The following ZNF701 variants were observed in gnomAD, a reference collection of about 807,000 sequenced individuals.
ZNF701 encodes the protein zinc finger protein 701.
ZNF701 carries 6 observed loss-of-function variants against 7.1 expected under a neutral mutation model. The observed-to-expected ratio is 0.84, with a 90% confidence interval of 0.46 to 1.66. The LOEUF (loss-of-function observed/expected upper bound fraction) is 1.66. Ranked by LOEUF, ZNF701 falls within the 40% of genes most tolerant of loss-of-function variation. The pLI, the probability that ZNF701 is intolerant of heterozygous loss-of-function variation, is 0.01. For missense variants in ZNF701, 541 were observed against 559.2 expected, an observed-to-expected ratio of 0.97 and a Z score of 0.33; for synonymous variants, 166 against 188.2, an observed-to-expected ratio of 0.88 and a Z score of 0.97.
intron 3 of ZNF701, among the ~76,000 whole-genome samples, chr19:52,578,664 ATTATT>A (rs1453416250): frequency 6.6e-6 from 1 of 152,196 alleles, no homozygotes; most frequent in Non-Finnish European, 1.5e-5. Context: ...AACTATTGTT[ATTATT>A]TTAAACAGTT....
rs149293171 is a variant in ZNF701, at chr19:52,582,446, G to C, written c.387G>C (p.Arg129Ser). The C allele has an allele frequency of 5.0e-6, 8 of 1,614,036 alleles. No individual in the cohort carries two copies. The highest frequency in any genetic ancestry group is 6.8e-6 in the Non-Finnish European group (8 of 1,180,032). Reference sequence around the variant, plus strand: ...GTAGTACAGAGCGACATGATCAAAGGCATGCTGGAAACAAACCTATTAAAA... The same window carrying C: ...GTAGTACAGAGCGACATGATCAAAGCCATGCTGGAAACAAACCTATTAAAA... Reference protein sequence around the residue: ...LMSSTERHDQRHAGNKPIKNE... With the variant: ...LMSSTERHDQSHAGNKPIKNE... Residue 129 changes from arginine to serine, a missense_variant, in exon 4 of 4, where the codon AGG (arginine) becomes AGC (serine). By Grantham distance (110) the Arg-to-Ser change is moderately radical. Coordinates refer to ENST00000391785, the MANE Select transcript of ZNF701 (RefSeq NM_018260.3).
chr19:52,571,471 T>C (rs886705855), intron 1 of ZNF701, among the ~76,000 whole-genome samples: 9 of 151,938 alleles, frequency 5.9e-5, no homozygotes, highest in African/African-American at 2.2e-4. Flanking sequence ...GATCGAAGAA[T>C]TGGGGAGAAG....
chr19:52,571,526 A>AT (rs1432545657), intron 1 of ZNF701, among the ~76,000 whole-genome samples: 2 of 151,998 alleles, frequency 1.3e-5, no homozygotes, highest in African/African-American at 2.4e-5. Flanking sequence ...AGCCCAGGTA[A>AT]TTTTTGTATT....
At chr19:52,571,460 C>T (rs1227710907) in intron 1 of ZNF701, among the ~76,000 whole-genome samples, 2 of 151,968 alleles carry the variant, frequency 1.3e-5, no homozygotes, top group Non-Finnish European at 1.5e-5. Context: ...AGATTGAGGA[C>T]GATCGAAGAA....
chr19:52,588,915 G>A (rs2060026017), downstream of ZNF701, among the ~76,000 whole-genome samples: 1 of 152,110 alleles, frequency 6.6e-6, no homozygotes, highest in Non-Finnish European at 1.5e-5. Flanking sequence ...GGCTAATTTT[G>A]TATTTTTTGT....
At chr19:52,579,939 G>C (rs2059964407) in intron 3 of ZNF701, among the ~76,000 whole-genome samples, 1 of 141,458 alleles carries the variant, frequency 7.1e-6, no homozygotes, top group Non-Finnish European at 1.5e-5. Context: ...TTCTCCTCTA[G>C]AATTATTATT....
intron 2 of ZNF701, chr19:52,575,612 A>C (rs921313757): frequency 1.1e-5 from 4 of 353,946 alleles, no homozygotes; most frequent in Non-Finnish European, 1.6e-5. Context: ...CCGTCCTCCC[A>C]CCTCAGCCTT....
the ZNF701 span, chr19:52,598,752 T>TA: frequency 2.2e-3 from 334 of 150,296 alleles, 3 homozygotes; most frequent in East Asian, 0.029. Context: ...CTACTAAAAA[T>TA]AAAAAAAAAC....
At chr19:52,588,747 C>T (rs113625580), downstream of ZNF701, 854 of 180,434 alleles carry the variant, frequency 4.7e-3, 10 homozygotes, top group African/African-American at 0.019. Flanking sequence ...TGCCTTTTCT[C>T]AGTCCCTCTC....
chr19:52,592,265 C>T, the ZNF701 span: 1 of 1,542,970 alleles, frequency 6.5e-7, no homozygotes, highest in African/African-American at 1.4e-5. Context: ...AGGAATCTGC[C>T]CTTGTCTATC....
chr19:52,592,055 G>A, downstream of ZNF701: 1 of 710,842 alleles, frequency 1.4e-6, no homozygotes, highest in Non-Finnish European at 2.5e-6. Flanking sequence ...TGAAGGTGAT[G>A]ACTCACTCCT....
chr19:52,594,503 G>GT, the ZNF701 span, among the ~76,000 whole-genome samples: 123 of 130,498 alleles, frequency 9.4e-4, 1 homozygote, highest in East Asian at 1.4e-3. Flanking sequence ...CTTTTGTTCT[G>GT]TTTTTTTTGT....
Position 52,582,369 on chromosome 19 carries a change from A to T in ZNF701, c.310A>T (p.Asn104Tyr), listed in dbSNP as rs780451070. Reference sequence around the variant, plus strand: ...TGACTTTGTGTTTCAGTGGCAAGAAAATGAAACAAATGGCCATGAAGCACT... The same window carrying T: ...TGACTTTGTGTTTCAGTGGCAAGAATATGAAACAAATGGCCATGAAGCACT... Reference protein sequence around the residue: ...IHDFVFQWQENETNGHEALMT... With the variant: ...IHDFVFQWQEYETNGHEALMT... Residue 104 changes from asparagine to tyrosine, a missense_variant, in exon 4 of 4, where the codon AAT becomes TAT. Coordinates refer to ENST00000391785, the MANE Select transcript of ZNF701 (RefSeq NM_018260.3). 6.2e-7 allele frequency: 1 copy of T among 1,613,830 alleles called. No homozygotes were observed. The highest frequency in any genetic ancestry group is 1.1e-5 in the South Asian group (1 of 90,978).
chr19:52,593,268 A>C, the ZNF701 span, among the ~76,000 whole-genome samples: 1 of 118,200 alleles, frequency 8.5e-6, no homozygotes, highest in Non-Finnish European at 1.8e-5. Context: ...CATTGTCATC[A>C]TGGCCCGTTC....
chr19:52,588,918 T>A (rs369035558), downstream of ZNF701, among the ~76,000 whole-genome samples: 3 of 152,284 alleles, frequency 2.0e-5, no homozygotes, highest in South Asian at 6.2e-4. Flanking sequence ...TAATTTTGTA[T>A]TTTTTGTAGA....
At chr19:52,593,740 C>T in the ZNF701 span, among the ~76,000 whole-genome samples, 5,646 of 112,784 alleles carry the variant, frequency 0.05, 1,569 homozygotes, top group African/African-American at 0.081. Flanking sequence ...CGGGCAGAGA[C>T]GCTCCTCACA....
At chr19:52,578,812 C>A (rs867502550) in intron 3 of ZNF701, among the ~76,000 whole-genome samples, 2 of 152,284 alleles carry the variant, frequency 1.3e-5, no homozygotes, top group East Asian at 3.9e-4. Context: ...GGCTGGAGTG[C>A]AGTGGTGCGA....
rs972500342 is a variant in ZNF701 at position 52,582,665 on chromosome 19, C to G, written c.606C>G (p.Leu202=). 1.8e-5 allele frequency: 29 copies of G among 1,614,104 alleles called. No homozygotes were observed. Among genetic ancestry groups the G allele is most frequent in the Non-Finnish European group, 2.5e-5 (29 of 1,180,026 alleles). Residue 202 remains leucine, a synonymous_variant, in exon 4 of 4, where the codon CTC becomes CTG. Transcript: ENST00000391785. ...YRNNFLQSSL[L]TQKREVHTRE... ...ATAATTTCCTCCAGTCTTCATTACT[C>G]ACACAAAAACGGGAAGTACACACAA...
At chr19:52,578,116 T>C (rs1021906862) in intron 3 of ZNF701, among the ~76,000 whole-genome samples, 3 of 151,538 alleles carry the variant, frequency 2.0e-5, no homozygotes, top group Middle Eastern at 3.4e-3. Flanking sequence ...TAGCTGGGTG[T>C]GGTGGCGGGC....
Sources: allele counts gnomAD v4.1 joint callset (sites outside exome capture counted in the v4.1 genomes callset), GRCh38; gene constraint gnomAD v4.1.1; transcripts MANE v1.5; gene names NCBI Gene and HGNC (gene_info 2026-07-23, HGNC 2026-07-21).